Variants in THAP12 observed in about 807,000 individuals in gnomAD.
The protein encoded by THAP12 is THAP domain containing 12.
THAP12 carries 20 observed loss-of-function variants against 63.0 expected under a neutral mutation model. The ratio of observed to expected loss-of-function variants is 0.32; its 90% CI spans 0.22 to 0.46. The LOEUF (loss-of-function observed/expected upper bound fraction) is 0.46, where lower values mean the gene tolerates loss of function less well. Among genes scored for constraint, THAP12 ranks in the 20% least tolerant of loss-of-function variants. THAP12 has a pLI of 1.00. For missense variants in THAP12, 568 were observed against 908.2 expected, an observed-to-expected ratio of 0.63 and a Z score of 4.81; for synonymous variants, 264 against 328.4, an observed-to-expected ratio of 0.80 and a Z score of 2.12.
Position 76,350,379 on chromosome 11 carries a change from T to C in THAP12, c.*485A>G, listed in dbSNP as rs1296279083. 6.6e-6 allele frequency: 1 copy of C among 152,488 alleles called. No individual in the cohort carries two copies. Among genetic ancestry groups the C allele is most frequent in the Non-Finnish European group, 1.5e-5 (1 of 68,108 alleles). The allele number at this position is 152,488 out of a possible 1,614,324, so 9.4% of individuals were successfully genotyped here. On this transcript the variant is annotated 3_prime_UTR_variant, in exon 5 of 5. Transcript: ENST00000260045. ...ACACTGAAATCCTTGTTTGGTGAGC[T>C]CACAAGCTTTTCTCCGGTAATTTCT...
At chr11:76,371,797 A>G (rs1186238546) in intron 1 of THAP12, among the ~76,000 whole-genome samples, 1 of 130,406 alleles carries the variant, frequency 7.7e-6, no homozygotes, top group Non-Finnish European at 1.6e-5. Context: ...ATTTTATTTC[A>G]TTTTTAACTT....
At chr11:76,372,120 T>C (rs1215347334) in intron 1 of THAP12, among the ~76,000 whole-genome samples, 1 of 150,930 alleles carries the variant, frequency 6.6e-6, no homozygotes, top group Non-Finnish European at 1.5e-5. Context: ...CTATCTTTTA[T>C]TTCATTTTTA....
At chr11:76,372,792 T>C (rs1180866176) in intron 1 of THAP12, among the ~76,000 whole-genome samples, 1 of 151,444 alleles carries the variant, frequency 6.6e-6, no homozygotes, top group Non-Finnish European at 1.5e-5. Context: ...GAGGCAGAGA[T>C]GGGAGGATTG....
intron 3 of THAP12, chr11:76,355,894 G>A (rs1196296366): frequency 2.9e-6 from 1 of 340,022 alleles, no homozygotes; most frequent in African/African-American, 2.1e-5. Context: ...ACATCATTTT[G>A]CTTATTTTCT....
chr11:76,374,318 T>C (rs1023236160), intron 1 of THAP12, among the ~76,000 whole-genome samples: 2 of 151,714 alleles, frequency 1.3e-5, no homozygotes, highest in Non-Finnish European at 2.9e-5. Flanking sequence ...AACCATAAAT[T>C]GGTCATTTGG....
intron 1 of THAP12, among the ~76,000 whole-genome samples, chr11:76,375,643 T>C (rs1170245830): frequency 1.3e-5 from 2 of 151,538 alleles, no homozygotes; most frequent in African/African-American, 2.4e-5. Context: ...TAGCATTAAA[T>C]ATATTCATCT....
intron 1 of THAP12, among the ~76,000 whole-genome samples, chr11:76,377,870 G>C (rs1020292946): frequency 1.3e-5 from 2 of 152,112 alleles, no homozygotes; most frequent in African/African-American, 4.8e-5. Flanking sequence ...GTGCTTTTTA[G>C]CCATTTATAT....
intron 2 of THAP12, among the ~76,000 whole-genome samples, chr11:76,362,916 G>A (rs1946607025): frequency 6.6e-6 from 1 of 152,188 alleles, no homozygotes; most frequent in Non-Finnish European, 1.5e-5. Flanking sequence ...CCTTGGCCGG[G>A]TAGACGGCTT....
chr11:76,375,906 G>C (rs189964893), intron 1 of THAP12, among the ~76,000 whole-genome samples: 94 of 152,292 alleles, frequency 6.2e-4, no homozygotes, highest in Non-Finnish European at 5.3e-4. Flanking sequence ...GAGGAGGTTT[G>C]ATTTGGATAA....
chr11:76,376,624 G>T (rs12224083), intron 1 of THAP12, among the ~76,000 whole-genome samples: 47,043 of 129,302 alleles, frequency 0.36, 8,549 homozygotes, highest in Non-Finnish European at 0.43. Context: ...TGTTTTTTTT[G>T]TTTTTTTTTT....
At chr11:76,375,753 G>GGT (rs1231705387) in intron 1 of THAP12, among the ~76,000 whole-genome samples, 2 of 109,488 alleles carry the variant, frequency 1.8e-5, no homozygotes, top group African/African-American at 3.2e-5. Flanking sequence ...AAGGTGGGGG[G>GGT]GGGGTGGGTT....
At chr11:76,367,118 C>T (rs1946636933) in intron 1 of THAP12, among the ~76,000 whole-genome samples, 1 of 151,328 alleles carries the variant, frequency 6.6e-6, no homozygotes, top group Non-Finnish European at 1.5e-5. Context: ...CTCTTGTTGC[C>T]CAGGTTGGAG....
Position 76,351,640 on chromosome 11 carries a change from T to C in THAP12, c.1510A>G (p.Thr504Ala). 6.3e-7 allele frequency: 1 copy of C among 1,583,832 alleles called. No homozygotes were observed. The highest frequency in any genetic ancestry group is 8.6e-7 in the Non-Finnish European group (1 of 1,163,970). Residue 504 changes from threonine (T) to alanine (A), a missense_variant, in exon 5 of 5, where the codon ACC becomes GCC. Coordinates refer to ENST00000260045, the MANE Select transcript of THAP12 (RefSeq NM_004705.4). ...CCGGCCGCAAAGAAGACATCAGAGG[T>C]TTGCCCCTGGAGGTTTTTCCCAAAG... Reference protein sequence around the residue: ...RAFGKNLQGQTSDVFFAAGSL... With the variant: ...RAFGKNLQGQASDVFFAAGSL...
At chr11:76,377,364 C>T (rs1376098494) in intron 1 of THAP12, among the ~76,000 whole-genome samples, 2 of 152,182 alleles carry the variant, frequency 1.3e-5, no homozygotes, top group Non-Finnish European at 2.9e-5. Context: ...ATTTTCATCA[C>T]CTCAAAAGGA....
At chr11:76,379,210 T>G (rs1946732123) in intron 1 of THAP12, among the ~76,000 whole-genome samples, 1 of 152,204 alleles carries the variant, frequency 6.6e-6, no homozygotes, top group South Asian at 2.1e-4. Context: ...CAAATGATGT[T>G]GGCTTCACCT....
intron 1 of THAP12, among the ~76,000 whole-genome samples, chr11:76,375,970 G>A (rs1281869807): frequency 6.6e-6 from 1 of 152,136 alleles, no homozygotes. Context: ...GAGAAATATT[G>A]TATGATTCCA....
chr11:76,369,924 G>A (rs1314970009), intron 1 of THAP12, among the ~76,000 whole-genome samples: 1 of 152,232 alleles, frequency 6.6e-6, no homozygotes, highest in Non-Finnish European at 1.5e-5. Context: ...TTACTACAAT[G>A]CAATAAATCT....
At chr11:76,364,686 T>G (rs370603800) in intron 2 of THAP12, among the ~76,000 whole-genome samples, 1 of 152,336 alleles carries the variant, frequency 6.6e-6, no homozygotes, top group South Asian at 2.1e-4. Context: ...AGAGGGGAAG[T>G]GACTTGGCCA....
intron 1 of THAP12, among the ~76,000 whole-genome samples, chr11:76,380,478 C>T (rs1241265148): frequency 6.6e-6 from 1 of 152,220 alleles, no homozygotes; most frequent in African/African-American, 2.4e-5. Context: ...CATCCCGCGT[C>T]CGCGCGCCGC....
Sources: allele counts gnomAD v4.1 joint callset (sites outside exome capture counted in the v4.1 genomes callset), GRCh38; gene constraint gnomAD v4.1.1; transcripts MANE v1.5; gene names NCBI Gene and HGNC (gene_info 2026-07-23, HGNC 2026-07-21).